Variants in SLC39A11 observed in about 807,000 individuals in gnomAD.
SLC39A11 encodes the protein solute carrier family 39 member 11, also known as zinc transporter ZIP11.
A neutral mutation model predicts 36.1 loss-of-function variants in SLC39A11; 33 were observed. That is an observed-to-expected ratio of 0.91 (90% confidence interval 0.69 to 1.22). SLC39A11 has a LOEUF of 1.22. Among genes scored for constraint, SLC39A11 ranks in the 50% most tolerant of loss-of-function variants. The pLI is 0.00. For missense variants in SLC39A11, 432 were observed against 430.3 expected, an observed-to-expected ratio of 1.00 and a Z score of -0.03; for synonymous variants, 166 against 170.3, an observed-to-expected ratio of 0.97 and a Z score of 0.20.
intron 5 of SLC39A11, among the ~76,000 whole-genome samples, chr17:72,878,039 A>C (rs1333745550): frequency 7.5e-6 from 1 of 133,328 alleles, no homozygotes; most frequent in Non-Finnish European, 1.5e-5. Flanking sequence ...CTCATTGTTC[A>C]ATTCCCGCCT....
chr17:73,066,096 G>A (rs1190545664), intron 3 of SLC39A11, among the ~76,000 whole-genome samples: 4 of 152,218 alleles, frequency 2.6e-5, no homozygotes, highest in African/African-American at 7.2e-5. Context: ...TCCGCCTACT[G>A]AGAACTAGAG....
intron 5 of SLC39A11, among the ~76,000 whole-genome samples, chr17:72,913,202 T>C (rs2083127042): frequency 6.7e-6 from 1 of 149,628 alleles, no homozygotes; most frequent in Admixed American, 6.7e-5. Context: ...AAAAAAAAAA[T>C]CCTTTTTTAA....
chr17:73,064,142 C>A (rs1302858964), intron 3 of SLC39A11, among the ~76,000 whole-genome samples: 2 of 152,194 alleles, frequency 1.3e-5, no homozygotes, highest in East Asian at 3.9e-4. Context: ...CGGTGTGAAG[C>A]CTCCCCTTCA....
intron 5 of SLC39A11, among the ~76,000 whole-genome samples, chr17:72,909,846 C>T (rs1045902664): frequency 3.3e-5 from 5 of 151,618 alleles, no homozygotes; most frequent in East Asian, 1.9e-4. Context: ...CCCGCGTTCA[C>T]GCCATTCTCC....
chr17:72,987,914 T>C (rs1236932842), intron 4 of SLC39A11, among the ~76,000 whole-genome samples: 1 of 152,204 alleles, frequency 6.6e-6, no homozygotes, highest in African/African-American at 2.4e-5. Context: ...CTACTTTCCA[T>C]TATTACTCTT....
intron 4 of SLC39A11, among the ~76,000 whole-genome samples, chr17:72,994,264 T>C (rs915884231): frequency 3.4e-4 from 52 of 152,182 alleles, no homozygotes; most frequent in African/African-American, 1.1e-3. Context: ...ACAAGAGCTA[T>C]AGACAATGAT....
rs183203102 is a variant in SLC39A11 at position 72,729,503 on chromosome 17, G to T, written c.671+7147C>A. 6.0e-3 allele frequency among the ~76,000 whole-genome samples: 615 copies of T among 101,828 alleles called. 18 individuals are homozygous for T. Among genetic ancestry groups the T allele is most frequent in the African/African-American group, 0.021 (581 of 27,138 alleles). The allele number at this position is 101,828 out of a possible 152,430, so 66.8% of individuals were successfully genotyped here. A position where few individuals can be genotyped will look rare whatever the true frequency, so the allele number is the denominator to read the frequency against. On this transcript the variant is annotated intron_variant, in intron 7 of 9. Coordinates refer to ENST00000255559, the MANE Select transcript of SLC39A11 (RefSeq NM_139177.4). Reference sequence around the variant, plus strand: ...TGTAGAGACAGGGTTTCATCATGTTGCCCAGGCTGGTCTTGAACTCCTGGG... The same window carrying T: ...TGTAGAGACAGGGTTTCATCATGTTTCCCAGGCTGGTCTTGAACTCCTGGG...
rs1568242856 is a variant in SLC39A11, at chr17:73,081,666, C to CATATATGTATATATGTATGTATATATAT, written c.147+3141_147+3142insATATATATACATACATATATACATATAT. Among the ~76,000 whole-genome samples the CATATATGTATATATGTATGTATATATAT allele has an allele frequency of 7.6e-4, 60 of 78,500 alleles. 1 individual carries two copies. In the Middle Eastern group the frequency reaches 0.032, roughly 42 times the overall value. The allele number at this position is 78,500 out of a possible 152,430, so 51.5% of individuals were successfully genotyped here. On this transcript the variant is annotated intron_variant, in intron 3 of 9. Transcript: ENST00000255559. ...ACACACACACACACACACACACACACACACATATATATACACATATATGTA... is the reference window on the plus strand; with the variant it reads ...ACACACACACACACACACACACACACATATATGTATATATGTATGTATATATATACACATATATATACACATATATGTA...
chr17:72,764,551 T>C (rs1468332796), intron 6 of SLC39A11, among the ~76,000 whole-genome samples: 2 of 152,090 alleles, frequency 1.3e-5, no homozygotes, highest in Non-Finnish European at 2.9e-5. Context: ...ACCCCTTCAG[T>C]GACCCTCTTT....
intron 7 of SLC39A11, among the ~76,000 whole-genome samples, chr17:72,703,992 G>C (rs956045541): frequency 2.6e-5 from 4 of 152,204 alleles, no homozygotes; most frequent in African/African-American, 9.6e-5. Flanking sequence ...GCCGGGCATG[G>C]TGGCATGCGC....
At chr17:72,913,175 T>A (rs1222561315) in intron 5 of SLC39A11, among the ~76,000 whole-genome samples, 1 of 150,110 alleles carries the variant, frequency 6.7e-6, no homozygotes, top group Admixed American at 6.7e-5. Context: ...GGAAAGAAAT[T>A]GGAGGGTGTA....
chr17:72,749,138 T>C (rs1035246984), intron 6 of SLC39A11, among the ~76,000 whole-genome samples: 14 of 152,200 alleles, frequency 9.2e-5, no homozygotes, highest in Admixed American at 2.6e-4. Flanking sequence ...GCTGCCATCT[T>C]GGAAGACACA....
At chr17:72,716,599 C>A (rs2073376371) in intron 7 of SLC39A11, among the ~76,000 whole-genome samples, 1 of 151,898 alleles carries the variant, frequency 6.6e-6, no homozygotes, top group Non-Finnish European at 1.5e-5. Context: ...TTAACCCACT[C>A]CTGAAATAAA....
chr17:72,757,347 T>C (rs76692316), intron 6 of SLC39A11, among the ~76,000 whole-genome samples: 20,530 of 152,066 alleles, frequency 0.14, 1,595 homozygotes, highest in African/African-American at 0.22. Flanking sequence ...CTGAAGATGG[T>C]GGCCCCCTAG....
intron 6 of SLC39A11, among the ~76,000 whole-genome samples, chr17:72,838,489 C>G (rs1229863429): frequency 6.6e-6 from 1 of 152,104 alleles, no homozygotes; most frequent in African/African-American, 2.4e-5. Context: ...CTCAGTCTCC[C>G]AAAATGCTGG....
At chr17:72,860,555 T>G (rs1265075488) in intron 5 of SLC39A11, among the ~76,000 whole-genome samples, 1 of 152,104 alleles carries the variant, frequency 6.6e-6, no homozygotes, top group African/African-American at 2.4e-5. Flanking sequence ...GGGGACAACC[T>G]AAGTTGCTGG....
At chr17:72,717,288 G>C (rs79342484) in intron 7 of SLC39A11, among the ~76,000 whole-genome samples, 392 of 152,208 alleles carry the variant, frequency 2.6e-3, no homozygotes, top group Non-Finnish European at 4.7e-3. Context: ...AGAAGACGCC[G>C]ATGGAGGTAG....
At chr17:72,969,043 G>A (rs779541774) in intron 4 of SLC39A11, among the ~76,000 whole-genome samples, 11 of 151,962 alleles carry the variant, frequency 7.2e-5, no homozygotes, top group Non-Finnish European at 1.0e-4. Flanking sequence ...CCCGTGTTCT[G>A]GAGGCACGGG....
intron 6 of SLC39A11, among the ~76,000 whole-genome samples, chr17:72,776,580 T>C (rs1304655754): frequency 2.0e-5 from 3 of 150,184 alleles, no homozygotes; most frequent in Admixed American, 6.7e-5. Flanking sequence ...TTTTTAATTA[T>C]GTTTGTTTAT....
Sources: allele counts gnomAD v4.1 joint callset (sites outside exome capture counted in the v4.1 genomes callset), GRCh38; gene constraint gnomAD v4.1.1; transcripts MANE v1.5; gene names NCBI Gene and HGNC (gene_info 2026-07-23, HGNC 2026-07-21).